Variants in NRXN1 observed in about 807,000 individuals in gnomAD.
The protein encoded by NRXN1 is neurexin-1.
In NRXN1, 39 loss-of-function variants were observed where a neutral mutation model predicts 150.9. The ratio of observed to expected loss-of-function variants is 0.26; its 90% CI spans 0.20 to 0.34. The LOEUF is 0.34. Among genes scored for constraint, NRXN1 ranks in the 10% least tolerant of loss-of-function variants. NRXN1 has a pLI of 1.00. For synonymous variants in NRXN1, 924 were observed against 757.0 expected, an observed-to-expected ratio of 1.22 and a Z score of -3.62; for missense variants, 1,815 against 1,949.9, an observed-to-expected ratio of 0.93 and a Z score of 1.30.
chr2:50,065,919 T>C (rs778374823), intron 19 of NRXN1, among the ~76,000 whole-genome samples: 1 of 152,182 alleles, frequency 6.6e-6, no homozygotes, highest in East Asian at 1.9e-4. Context: ...TGTAACATGT[T>C]ACAGTAAATT....
intron 5 of NRXN1, among the ~76,000 whole-genome samples, chr2:50,751,240 G>A (rs1209419200): frequency 6.6e-6 from 1 of 151,986 alleles, no homozygotes; most frequent in Non-Finnish European, 1.5e-5. Context: ...ATAAGTATGA[G>A]CTTATTACAT....
intron 21 of NRXN1, among the ~76,000 whole-genome samples, chr2:49,958,472 C>T (rs937623696): frequency 6.6e-6 from 1 of 152,082 alleles, no homozygotes; most frequent in South Asian, 2.1e-4. Flanking sequence ...TGTTATCACG[C>T]CTCTGCCATC....
chr2:50,934,469 C>A (rs2104423164), intron 2 of NRXN1, among the ~76,000 whole-genome samples: 1 of 151,950 alleles, frequency 6.6e-6, no homozygotes, highest in South Asian at 2.1e-4. Flanking sequence ...AATATGTAAC[C>A]ACAGAGACAT....
rs1019582 is a variant in NRXN1, at chr2:50,667,693, A to G, written c.833-44078T>C. On this transcript the variant is annotated intron_variant, in intron 5 of 22. Transcript: ENST00000401669. Reference sequence around the variant, plus strand: ...CTCTATTGTTTCCCTATTACAAAGTATATTTTCCTTCTTTAACATACTGTA... The same window carrying G: ...CTCTATTGTTTCCCTATTACAAAGTGTATTTTCCTTCTTTAACATACTGTA... Among the ~76,000 whole-genome samples, 25 of 152,102 alleles carry G rather than the reference A, an allele frequency of 1.6e-4. No homozygotes were observed. The South Asian group carries it at 4.4e-3, about 27-fold the overall frequency.
At chr2:49,944,545 C>T (rs958092727) in intron 21 of NRXN1, among the ~76,000 whole-genome samples, 2 of 152,124 alleles carry the variant, frequency 1.3e-5, no homozygotes, top group African/African-American at 2.4e-5. Context: ...AAAAAGATAC[C>T]TATCTCTGTA....
At chr2:50,010,416 C>T (rs1243383683) in intron 21 of NRXN1, among the ~76,000 whole-genome samples, 1 of 152,028 alleles carries the variant, frequency 6.6e-6, no homozygotes, top group African/African-American at 2.4e-5. Flanking sequence ...TTAAAATATC[C>T]AAGTCAGATC....
intron 5 of NRXN1, among the ~76,000 whole-genome samples, chr2:50,670,313 AAACTT>A (rs1410917835): frequency 2.0e-5 from 3 of 151,804 alleles, no homozygotes; most frequent in East Asian, 1.9e-4. Context: ...AAACTAGTGA[AAACTT>A]AACAAGTGCT....
intron 5 of NRXN1, among the ~76,000 whole-genome samples, chr2:50,794,307 C>T (rs1044829637): frequency 2.0e-5 from 3 of 152,078 alleles, no homozygotes; most frequent in African/African-American, 7.2e-5. Context: ...TTAGTTATTT[C>T]TCCCTCAAAA....
chr2:50,000,974 A>G (rs1471217172), intron 21 of NRXN1, among the ~76,000 whole-genome samples: 1 of 152,174 alleles, frequency 6.6e-6, no homozygotes, highest in Admixed American at 6.5e-5. Flanking sequence ...AGATAAGATA[A>G]AAGTCATAAA....
chr2:50,440,670 C>A (rs2085873120), intron 17 of NRXN1, among the ~76,000 whole-genome samples: 1 of 151,942 alleles, frequency 6.6e-6, no homozygotes, highest in South Asian at 2.1e-4. Context: ...TTTTTTGTTG[C>A]ATTGCTGCCT....
At chr2:50,237,147 A>G (rs2065527591) in intron 17 of NRXN1, among the ~76,000 whole-genome samples, 177 bp from the exon 18 acceptor site, 1 of 152,076 alleles carries the variant, frequency 6.6e-6, no homozygotes, top group Non-Finnish European at 1.5e-5. Flanking sequence ...TTTAAAAGAA[A>G]TGGAGAGGTA....
chr2:50,024,864 C>T (rs1027739565), intron 21 of NRXN1, among the ~76,000 whole-genome samples: 2 of 152,122 alleles, frequency 1.3e-5, no homozygotes, highest in South Asian at 2.1e-4. Context: ...GATCTGCCCA[C>T]CTCAGCCTCC....
intron 2 of NRXN1, among the ~76,000 whole-genome samples, chr2:50,961,720 T>A (rs1693225794): frequency 6.6e-6 from 1 of 151,792 alleles, no homozygotes; most frequent in African/African-American, 2.4e-5. Flanking sequence ...AAGAGTACTC[T>A]CTGCTTCTGG....
At chr2:50,311,847 G>A (rs2075209402) in intron 17 of NRXN1, among the ~76,000 whole-genome samples, 1 of 151,966 alleles carries the variant, frequency 6.6e-6, no homozygotes, top group Non-Finnish European at 1.5e-5. Context: ...AATATATAAT[G>A]AAATGTCTGT....
At chr2:50,456,246 T>G (rs1307018307) in intron 17 of NRXN1, among the ~76,000 whole-genome samples, 1 of 152,100 alleles carries the variant, frequency 6.6e-6, no homozygotes, top group African/African-American at 2.4e-5. Context: ...TCATTTCAAG[T>G]TAAGAAATGC....
At chr2:50,015,516 CAAAAAAAAAAAAAAAAA>C (rs34466037) in intron 21 of NRXN1, among the ~76,000 whole-genome samples, 1 of 31,288 alleles carries the variant, frequency 3.2e-5, no homozygotes, top group Non-Finnish European at 6.0e-5. Flanking sequence ...GGATTTCTGC[CAAAAAAAAAAAAAAAAA>C]AAAAAAAAAA....
intron 21 of NRXN1, among the ~76,000 whole-genome samples, chr2:50,001,153 G>C (rs780858990): frequency 1.3e-5 from 2 of 152,158 alleles, no homozygotes; most frequent in Non-Finnish European, 2.9e-5. Flanking sequence ...GCCCAAGAAA[G>C]CATGGCTGAG....
chr2:50,700,330 C>G (rs550337535), intron 5 of NRXN1, among the ~76,000 whole-genome samples: 1 of 152,256 alleles, frequency 6.6e-6, no homozygotes, highest in South Asian at 2.1e-4. Context: ...CACAACTCTT[C>G]CATTTAATTT....
At chr2:50,464,123 G>A (rs1005711954) in intron 17 of NRXN1, 5 of 151,656 alleles carry the variant, frequency 3.3e-5, no homozygotes, top group African/African-American at 7.3e-5. Context: ...TCAAAATGGC[G>A]TTATTGTGTT....
Sources: gnomAD v4.1 joint callset for allele counts (sites outside exome capture counted in the v4.1 genomes callset) on GRCh38, gnomAD v4.1.1 for gene constraint, MANE v1.5 for transcripts, NCBI Gene and HGNC (gene_info 2026-07-23, HGNC 2026-07-21) for gene names.